Variants in DGKG observed in about 807,000 individuals in gnomAD.
DGKG encodes diacylglycerol kinase gamma.
In DGKG, 78 loss-of-function variants were observed where a neutral mutation model predicts 105.3. The ratio of observed to expected loss-of-function variants is 0.74; its 90% confidence interval spans 0.62 to 0.89. DGKG has a LOEUF of 0.89. Among genes scored for constraint, DGKG ranks in the 40% least tolerant of loss-of-function variants. The probability of loss-of-function intolerance (pLI) is 0.00; values close to 1 mark genes in which losing one functional copy is unlikely to be tolerated. For missense variants in DGKG, 958 were observed against 1,020.1 expected, an observed-to-expected ratio of 0.94 and a Z score of 0.83; for synonymous variants, 346 against 367.1, an observed-to-expected ratio of 0.94 and a Z score of 0.66.
Position 186,149,133 on chromosome 3 carries a change from C to T in DGKG, c.*957G>A, listed in dbSNP as rs1715638158. ...GTCTCCTGGTTTCCCCAGCAAAGTT[C>T]CTTCCTTCCCATCTTTTCTGCCTTC... is the stretch of plus-strand genomic sequence containing the variant. On this transcript the variant is annotated 3_prime_UTR_variant, in exon 25 of 25. Coordinates refer to ENST00000265022, the MANE Select transcript of DGKG (RefSeq NM_001346.3). 2 of 985,170 alleles carry T rather than the reference C, an allele frequency of 2.0e-6. No homozygotes were observed. The highest frequency in any genetic ancestry group is 2.4e-6 in the Non-Finnish European group (2 of 829,818). 61.0% of individuals were successfully genotyped at this position (985,170 alleles called of 1,614,324 possible).
chr3:186,353,181 C>G (rs745632681), intron 1 of DGKG, among the ~76,000 whole-genome samples: 4 of 152,074 alleles, frequency 2.6e-5, no homozygotes, highest in Non-Finnish European at 5.9e-5. Context: ...TTCCTAGGTC[C>G]AATACCTTCC....
chr3:186,287,154 G>A (rs1001116157), intron 6 of DGKG, among the ~76,000 whole-genome samples: 6 of 152,004 alleles, frequency 3.9e-5, no homozygotes, highest in Admixed American at 1.3e-4. Context: ...AATTTTACTC[G>A]GATCCTGATT....
intron 16 of DGKG, among the ~76,000 whole-genome samples, chr3:186,258,461 A>C (rs560889203): frequency 1.3e-5 from 2 of 152,078 alleles, no homozygotes; most frequent in Admixed American, 1.3e-4. Flanking sequence ...CAAGGGTTCT[A>C]TGGATTGGAT....
chr3:186,306,858 A>G lies in DGKG; in HGVS notation c.144+43T>C, dbSNP rs747156963. On this transcript the variant is annotated intron_variant, in intron 3 of 24. Coordinates refer to ENST00000265022, the MANE Select transcript of DGKG (RefSeq NM_001346.3). Reference sequence around the variant, plus strand: ...GGAAACAAATTATGGAAAGGCTAAAAAACACAGGGGTTTTTAAAGGCTTAA... The same window carrying G: ...GGAAACAAATTATGGAAAGGCTAAAGAACACAGGGGTTTTTAAAGGCTTAA... 4 of 1,387,820 alleles carry G rather than the reference A, an allele frequency of 2.9e-6. No individual in the cohort carries two copies. The African/African-American group carries it at 5.7e-5, about 20-fold the overall frequency. 86.0% of individuals were successfully genotyped at this position (1,387,820 alleles called of 1,614,324 possible).
intron 6 of DGKG, among the ~76,000 whole-genome samples, chr3:186,286,471 T>C (rs1217493188): frequency 6.6e-6 from 1 of 152,206 alleles, no homozygotes; most frequent in Non-Finnish European, 1.5e-5. Flanking sequence ...AACCTTCTTG[T>C]GCCTTCCTTC....
intron 20 of DGKG, among the ~76,000 whole-genome samples, chr3:186,239,178 C>T (rs982489868): frequency 2.0e-5 from 3 of 152,122 alleles, no homozygotes; most frequent in Non-Finnish European, 2.9e-5. Flanking sequence ...TGTTCCGGAC[C>T]TGACTAGTCA....
At chr3:186,348,710 C>T (rs1192389263) in intron 1 of DGKG, among the ~76,000 whole-genome samples, 5 of 152,056 alleles carry the variant, frequency 3.3e-5, no homozygotes, top group Non-Finnish European at 7.4e-5. Context: ...CTTGGCCTCC[C>T]CAAGTGCTTG....
chr3:186,147,773 CT>C lies in DGKG; in HGVS notation c.*2316del, dbSNP rs1424111054. On this transcript the variant is annotated 3_prime_UTR_variant, in exon 25 of 25. Transcript: ENST00000265022. The stretch of plus-strand genomic sequence containing the variant: ...ATGGCTGAAACACATGCACGAACTT[CT>C]GTAAATGTCTTAGAATCAGTGACCC... 1 of 985,310 alleles carries C rather than the reference CT, an allele frequency of 1.0e-6. No homozygotes were observed. The highest frequency in any genetic ancestry group is 1.2e-6 in the Non-Finnish European group (1 of 829,948). The allele number at this position is 985,310 out of a possible 1,614,324, so 61.0% of individuals were successfully genotyped here.
At chr3:186,313,484 A>C (rs926510208) in intron 2 of DGKG, 2 of 984,718 alleles carry the variant, frequency 2.0e-6, no homozygotes, top group South Asian at 4.7e-5. Flanking sequence ...CTTTTCTCCA[A>C]ATAATTTGGC....
intron 11 of DGKG, among the ~76,000 whole-genome samples, chr3:186,269,684 A>G (rs1005283029): frequency 6.6e-6 from 1 of 152,216 alleles, no homozygotes; most frequent in Admixed American, 6.5e-5. Context: ...CGTGAAGCCG[A>G]GACTAAAAAG....
intron 3 of DGKG, among the ~76,000 whole-genome samples, chr3:186,299,841 T>TTTCTCTTTCTTTC: frequency 1.3e-5 from 1 of 74,614 alleles, no homozygotes; most frequent in South Asian, 4.4e-4. Flanking sequence ...TTCTTTCTTT[T>TTTCTCTTTCTTTC]TTTTTTTTTT....
At chr3:186,302,986 A>C (rs1049013692) in intron 3 of DGKG, among the ~76,000 whole-genome samples, 1 of 152,162 alleles carries the variant, frequency 6.6e-6, no homozygotes, top group Non-Finnish European at 1.5e-5. Context: ...CAGGAAATTC[A>C]GTGATGAGCC....
intron 24 of DGKG, chr3:186,160,128 C>T (rs1051601917): frequency 1.1e-6 from 1 of 921,920 alleles, no homozygotes; most frequent in African/African-American, 1.8e-5. Flanking sequence ...ATACGGATTT[C>T]TGGGCCTCAC....
chr3:186,259,629 T>A (rs1221911006), intron 16 of DGKG, among the ~76,000 whole-genome samples: 1 of 151,980 alleles, frequency 6.6e-6, no homozygotes, highest in Non-Finnish European at 1.5e-5. Context: ...AAATCCTGGT[T>A]TGGAGGTTGG....
At chr3:186,310,799 C>T (rs1397169791) in intron 2 of DGKG, among the ~76,000 whole-genome samples, 1 of 152,162 alleles carries the variant, frequency 6.6e-6, no homozygotes, top group African/African-American at 2.4e-5. Flanking sequence ...TGTAACAATT[C>T]CCATTTTGTA....
In DGKG at chr3:186,288,608, C is replaced by T. The variant is rs1038246162; in HGVS notation, c.544+102G>A. 1.5e-5 allele frequency: 19 copies of T among 1,275,946 alleles called. 1 individual carries two copies. In the Admixed American group the frequency reaches 1.9e-4, roughly 12 times the overall value. 79.0% of individuals were successfully genotyped at this position (1,275,946 alleles called of 1,614,324 possible). Reference sequence around the variant, plus strand: ...TCCCCAAAGAGGCGGGACGCATATCCGTGATATCAACTCAATCTCCAGTGT... The same window carrying T: ...TCCCCAAAGAGGCGGGACGCATATCTGTGATATCAACTCAATCTCCAGTGT... On this transcript the variant is annotated intron_variant, in intron 6 of 24. Transcript: ENST00000265022.
At chr3:186,355,347 CAACACTACTCCTACCACCATGAT>C (rs1726885567) in intron 1 of DGKG, among the ~76,000 whole-genome samples, 1 of 130,636 alleles carries the variant, frequency 7.7e-6, no homozygotes, top group Non-Finnish European at 1.7e-5. Flanking sequence ...CCACCACCAA[CAACACTACTCCTACCACCATGAT>C]CATCACCACC....
At position 186,279,991 on chromosome 3, in the gene DGKG, C is replaced by A. The variant is rs1722756081; in HGVS notation, c.670-18G>T. The A allele has an allele frequency of 6.2e-7, 1 of 1,613,302 alleles. No individual in the cohort carries two copies. Among genetic ancestry groups the A allele is most frequent in the Non-Finnish European group, 8.5e-7 (1 of 1,179,626 alleles). ...TTCAATATCTGTGGAATCCAAAGAG[C>A]AATCATTGTCCATTTTCATCATCGA... On this transcript the variant is annotated intron_variant, in intron 8 of 24. Transcript: ENST00000265022.
intron 21 of DGKG, chr3:186,207,507 A>C: frequency 1.0e-6 from 1 of 985,382 alleles, no homozygotes; most frequent in Non-Finnish European, 1.2e-6. Flanking sequence ...TCCATGAGGC[A>C]CTTAGCACCA....
Sources: gnomAD v4.1 joint callset for allele counts (sites outside exome capture counted in the v4.1 genomes callset) on GRCh38, gnomAD v4.1.1 for gene constraint, MANE v1.5 for transcripts, NCBI Gene and HGNC (gene_info 2026-07-23, HGNC 2026-07-21) for gene names.